Variants in PTPN14 observed in about 807,000 individuals in gnomAD.
PTPN14 encodes the protein tyrosine-protein phosphatase non-receptor type 14.
Under a neutral mutation model 126.8 loss-of-function variants are expected in PTPN14, and 53 were observed. The observed-to-expected ratio is 0.42, with a 90% CI of 0.34 to 0.53. The LOEUF (loss-of-function observed/expected upper bound fraction) is 0.53. Among genes scored for constraint, PTPN14 ranks in the 20% least tolerant of loss-of-function variants. The pLI, the probability that PTPN14 is intolerant of heterozygous loss-of-function variation, is 0.08. For missense variants in PTPN14, 1,257 were observed against 1,552.9 expected, an observed-to-expected ratio of 0.81 and a Z score of 3.20; for synonymous variants, 630 against 599.3, an observed-to-expected ratio of 1.05 and a Z score of -0.75.
chr1:214,533,484 A>G, intron 1 of PTPN14: 1 of 472,226 alleles, frequency 2.1e-6, no homozygotes, highest in Non-Finnish European at 3.6e-6. Flanking sequence ...CAGCAGAAGC[A>G]GGGTACCCTT....
At chr1:214,379,728 C>T (rs1164071625) in intron 13 of PTPN14, among the ~76,000 whole-genome samples, 1 of 152,240 alleles carries the variant, frequency 6.6e-6, no homozygotes, top group Non-Finnish European at 1.5e-5. Context: ...ATTTGCCTCT[C>T]ACCTACCTGT....
chr1:214,506,021 G>A (rs1449750853), intron 1 of PTPN14, among the ~76,000 whole-genome samples: 1 of 152,164 alleles, frequency 6.6e-6, no homozygotes, highest in South Asian at 2.1e-4. Flanking sequence ...GAGAGACACT[G>A]GCCACGTAAC....
At chr1:214,413,921 G>A (rs976501828) in intron 4 of PTPN14, among the ~76,000 whole-genome samples, 6 of 151,830 alleles carry the variant, frequency 4.0e-5, no homozygotes, top group African/African-American at 9.7e-5. Flanking sequence ...CACCTGCCTC[G>A]ACCTCCCAAA....
intron 1 of PTPN14, among the ~76,000 whole-genome samples, chr1:214,481,402 T>C (rs185106498): frequency 5.8e-4 from 86 of 148,330 alleles, no homozygotes; most frequent in Non-Finnish European, 1.0e-3. Flanking sequence ...TCCCAGCTAC[T>C]TGGGAGGCTG....
chr1:214,378,631 A>G (rs1006256019), intron 13 of PTPN14, among the ~76,000 whole-genome samples: 2 of 152,188 alleles, frequency 1.3e-5, no homozygotes, highest in Non-Finnish European at 2.9e-5. Context: ...TGAGGACGTT[A>G]ATTCTATAAT....
At chr1:214,372,476 A>G in intron 16 of PTPN14, 1 of 544,516 alleles carries the variant, frequency 1.8e-6, no homozygotes, top group South Asian at 2.1e-5. Flanking sequence ...CAAGGAAAAG[A>G]GTTAAAAGCC....
At chr1:214,447,380 C>T (rs1036287057) in intron 3 of PTPN14, among the ~76,000 whole-genome samples, 3 of 152,166 alleles carry the variant, frequency 2.0e-5, no homozygotes, top group African/African-American at 4.8e-5. Flanking sequence ...CAACACCACA[C>T]CGAGAAAACT....
chr1:214,413,472 C>T (rs1244768826), intron 4 of PTPN14, among the ~76,000 whole-genome samples: 6 of 152,178 alleles, frequency 3.9e-5, no homozygotes, highest in African/African-American at 1.4e-4. Context: ...ACACTTAAAT[C>T]TGAGATGATT....
chr1:214,357,987 T>C lies in PTPN14; in HGVS notation c.3499A>G (p.Ile1167Val), dbSNP rs1488643373. The C allele has an allele frequency of 2.0e-5, 33 of 1,613,480 alleles. No individual in the cohort carries two copies. Among genetic ancestry groups the C allele is most frequent in the South Asian group, 3.3e-5 (3 of 91,066 alleles). Reference protein sequence around the residue: ...REQRMFMIQTIAQYKFVYQVL... With the variant: ...REQRMFMIQTVAQYKFVYQVL... Reference sequence around the variant, plus strand: ...TGGTAGACAAACTTGTACTGAGCGATAGTCTGGATCATGAACATCCTCTGC... The same window carrying C: ...TGGTAGACAAACTTGTACTGAGCGACAGTCTGGATCATGAACATCCTCTGC... Residue 1167 changes from isoleucine (I) to valine (V), a missense_variant, in exon 19 of 19, where the codon ATC becomes GTC. By Grantham distance (29) the Ile-to-Val change is conservative. Transcript: ENST00000366956.
chr1:214,416,029 C>T (rs537529878), intron 3 of PTPN14, among the ~76,000 whole-genome samples: 1 of 152,320 alleles, frequency 6.6e-6, no homozygotes, highest in South Asian at 2.1e-4. Flanking sequence ...TTCATTCCTT[C>T]TCATCTTTCT....
At chr1:214,413,853 G>C (rs1659364252) in intron 4 of PTPN14, among the ~76,000 whole-genome samples, 1 of 151,990 alleles carries the variant, frequency 6.6e-6, no homozygotes, top group Non-Finnish European at 1.5e-5. Context: ...ATTTTTATTA[G>C]AGACAAGGTT....
intron 3 of PTPN14, among the ~76,000 whole-genome samples, chr1:214,436,985 G>A: frequency 6.8e-6 from 1 of 146,674 alleles, no homozygotes; most frequent in Non-Finnish European, 1.5e-5. Flanking sequence ...TAAGATAACT[G>A]CTATCTAGAA....
intron 3 of PTPN14, among the ~76,000 whole-genome samples, chr1:214,428,817 C>G (rs1274717944): frequency 3.3e-5 from 5 of 152,192 alleles, no homozygotes; most frequent in Non-Finnish European, 7.3e-5. Flanking sequence ...TATTATCAAA[C>G]CACTACACTT....
chr1:214,538,546 T>C (rs988534868), intron 1 of PTPN14, among the ~76,000 whole-genome samples: 2 of 152,144 alleles, frequency 1.3e-5, no homozygotes, highest in Admixed American at 6.5e-5. Context: ...TTGACATAAG[T>C]AAAGAGGCCA....
At chr1:214,397,497 C>A (rs1421862682) in intron 8 of PTPN14, among the ~76,000 whole-genome samples, 5 of 152,184 alleles carry the variant, frequency 3.3e-5, no homozygotes, top group Non-Finnish European at 5.9e-5. Context: ...CCTAATTCAT[C>A]ATAATAAATA....
chr1:214,361,498 C>T (rs1657955062), intron 18 of PTPN14, among the ~76,000 whole-genome samples: 1 of 152,168 alleles, frequency 6.6e-6, no homozygotes, highest in Non-Finnish European at 1.5e-5. Context: ...TTCATTCACT[C>T]CCACAGGCTC....
At position 214,536,250 on chromosome 1, in the gene PTPN14, T is replaced by TA. The variant is rs1258227696; in HGVS notation, c.-155+14932dup. Reference sequence around the variant, plus strand: ...TGATGAAACCCATAACTATGAAAAATAAAAAAATTTGGCACAGGATGTTGG... The same window carrying TA: ...TGATGAAACCCATAACTATGAAAAATAAAAAAAATTTGGCACAGGATGTTGG... On this transcript the variant is annotated intron_variant, in intron 1 of 18. Transcript: ENST00000366956. Among the ~76,000 whole-genome samples the TA allele has an allele frequency of 2.0e-5, 3 of 151,250 alleles. No homozygotes were observed. The East Asian group carries it at 5.9e-4, about 30-fold the overall frequency.
chr1:214,388,827 A>G (rs1006471063), intron 11 of PTPN14, among the ~76,000 whole-genome samples: 16 of 152,226 alleles, frequency 1.1e-4, no homozygotes, highest in Admixed American at 5.9e-4. Flanking sequence ...GCATCCCTCA[A>G]TGGAAGAAAC....
intron 1 of PTPN14, among the ~76,000 whole-genome samples, chr1:214,512,066 A>C (rs1654987206): frequency 6.6e-6 from 1 of 152,158 alleles, no homozygotes; most frequent in African/African-American, 2.4e-5. Flanking sequence ...GAGGGCTAGT[A>C]AATTCTGAGG....
Sources: gnomAD v4.1 joint callset for allele counts (sites outside exome capture counted in the v4.1 genomes callset) on GRCh38, gnomAD v4.1.1 for gene constraint, MANE v1.5 for transcripts, NCBI Gene and HGNC (gene_info 2026-07-23, HGNC 2026-07-21) for gene names.